HFM1: variants seen among roughly 807,000 people sequenced by gnomAD.
HFM1 encodes probable ATP-dependent DNA helicase HFM1.
HFM1 carries 169 observed loss-of-function variants against 192.1 expected under a neutral mutation model. That is an observed-to-expected ratio of 0.88 (90% confidence interval 0.78 to 1.00). The LOEUF is 1.00. Among genes scored for constraint, HFM1 ranks in the 50% least tolerant of loss-of-function variants. The pLI is 0.00. For synonymous variants in HFM1, 525 were observed against 537.8 expected, an observed-to-expected ratio of 0.98 and a Z score of 0.33; for missense variants, 1,661 against 1,668.0, an observed-to-expected ratio of 1.00 and a Z score of 0.07.
chr1:91,338,702 C>T (rs1276995425), intron 20 of HFM1, among the ~76,000 whole-genome samples: 1 of 152,116 alleles, frequency 6.6e-6, no homozygotes, highest in Non-Finnish European at 1.5e-5. Flanking sequence ...GTCACCACGG[C>T]CGTGGCCCCA....
Position 91,375,344 on chromosome 1 carries a change from A to C in HFM1, c.1685+14T>G. The C allele has an allele frequency of 6.3e-7, 1 of 1,587,980 alleles. No homozygotes were observed. Among genetic ancestry groups the C allele is most frequent in the Non-Finnish European group, 8.6e-7 (1 of 1,162,896 alleles). ...AAAGTCCTTCTACTTCCATGAAAAA[A>C]TAAAATACTATACCTCTGTTTCTGT... On this transcript the variant is annotated intron_variant, in intron 13 of 38. Transcript: ENST00000370425.
intron 30 of HFM1, among the ~76,000 whole-genome samples, chr1:91,297,853 G>C (rs1433892539): frequency 6.6e-6 from 1 of 152,176 alleles, no homozygotes; most frequent in East Asian, 1.9e-4. Flanking sequence ...AAACAGAGCA[G>C]AAAAACTGGA....
intron 32 of HFM1, 106 bp downstream of exon 32, chr1:91,276,522 C>A: frequency 2.2e-6 from 1 of 460,120 alleles, no homozygotes; most frequent in Non-Finnish European, 3.9e-6. Flanking sequence ...GTCAAGCCCA[C>A]AAGTAATTCT....
chr1:91,269,671 C>T (rs558840538), intron 34 of HFM1, among the ~76,000 whole-genome samples: 1 of 152,228 alleles, frequency 6.6e-6, no homozygotes, highest in Admixed American at 6.5e-5. Flanking sequence ...TCTAAACCTG[C>T]AATGGAAGTA....
chr1:91,312,458 A>G lies in HFM1; in HGVS notation c.3391+891T>C, dbSNP rs537648845. 2.1e-4 allele frequency among the ~76,000 whole-genome samples: 32 copies of G among 152,310 alleles called. No individual in the cohort carries two copies. In the South Asian group the frequency reaches 6.4e-3, roughly 31 times the overall value. On this transcript the variant is annotated intron_variant, in intron 30 of 38. Transcript: ENST00000370425. ...TCAAAGGAGATCATTTTGGAGCTTT[A>G]AAGTTTGACTGCTCCACTGGATTTC...
rs906983952 is a variant in HFM1, at chr1:91,297,632, C to T, written c.3391+15717G>A. Among the ~76,000 whole-genome samples the T allele has an allele frequency of 5.9e-5, 9 of 152,306 alleles. No individual in the cohort carries two copies. The East Asian group carries it at 1.7e-3, about 29-fold the overall frequency. On this transcript the variant is annotated intron_variant, in intron 30 of 38. Coordinates refer to ENST00000370425, the MANE Select transcript of HFM1 (RefSeq NM_001017975.6). The stretch of plus-strand genomic sequence containing the variant: ...ATCAGGCAGCAACATTTGCTGTTCA[C>T]CAATATCTGCTGTTCTGCAGCCTCC...
intron 18 of HFM1, among the ~76,000 whole-genome samples, chr1:91,348,446 C>T (rs1394474528): frequency 6.6e-6 from 1 of 152,048 alleles, no homozygotes; most frequent in Non-Finnish European, 1.5e-5. Context: ...TCCTTTGACA[C>T]AGGAATTTCA....
rs182823584 is a variant in HFM1, at chr1:91,368,392, T to A, written c.1685+6966A>T. Among the ~76,000 whole-genome samples the A allele has an allele frequency of 2.4e-4, 37 of 152,290 alleles. No homozygotes were observed. In the East Asian group the frequency reaches 6.2e-3, roughly 25 times the overall value. On this transcript the variant is annotated intron_variant, in intron 13 of 38. Coordinates refer to ENST00000370425, the MANE Select transcript of HFM1 (RefSeq NM_001017975.6). ...AAGGGAAACCCAACAGACTAACAGC[T>A]GATCTCTCGGCAGAAACTCTACAAA... is the stretch of plus-strand genomic sequence containing the variant.
intron 30 of HFM1, among the ~76,000 whole-genome samples, chr1:91,296,800 A>T (rs1392373507): frequency 6.6e-6 from 1 of 152,252 alleles, no homozygotes; most frequent in East Asian, 1.9e-4. Context: ...TAGAATTATA[A>T]TTTTGAGGGG....
At chr1:91,292,977 T>C (rs1418120069) in intron 30 of HFM1, among the ~76,000 whole-genome samples, 1 of 152,060 alleles carries the variant, frequency 6.6e-6, no homozygotes, top group African/African-American at 2.4e-5. Context: ...TAATAAATGG[T>C]GCTGGGAAAA....
At chr1:91,331,184 ATTATCC>A (rs1653768315) in intron 20 of HFM1, among the ~76,000 whole-genome samples, 1 of 152,246 alleles carries the variant, frequency 6.6e-6, no homozygotes, top group Non-Finnish European at 1.5e-5. Flanking sequence ...AAGAAGTCAA[ATTATCC>A]TTGTTTGCAG....
At chr1:91,371,248 G>T (rs1164896656) in intron 13 of HFM1, among the ~76,000 whole-genome samples, 1 of 151,336 alleles carries the variant, frequency 6.6e-6, no homozygotes, top group Non-Finnish European at 1.5e-5. Context: ...CTACTTTAAA[G>T]TTCACATGGA....
intron 30 of HFM1, among the ~76,000 whole-genome samples, chr1:91,291,031 C>A (rs1294983402): frequency 3.9e-5 from 6 of 152,084 alleles, no homozygotes; most frequent in African/African-American, 1.4e-4. Flanking sequence ...ATACCAGAAT[C>A]TCTGGGACAC....
chr1:91,301,230 TG>T (rs1488221849), intron 30 of HFM1, among the ~76,000 whole-genome samples: 2 of 151,284 alleles, frequency 1.3e-5, no homozygotes, highest in African/African-American at 4.9e-5. Context: ...TTACAAGGGA[TG>T]TGAAGGACCT....
intron 34 of HFM1, among the ~76,000 whole-genome samples, chr1:91,272,765 T>C (rs768496953): frequency 2.0e-5 from 3 of 151,984 alleles, no homozygotes; most frequent in African/African-American, 7.2e-5. Flanking sequence ...TTGGGCCTAA[T>C]AGCTGCCATG....
chr1:91,262,291 T>C lies in HFM1; in HGVS notation c.4188A>G (p.Lys1396=), dbSNP rs1414881310. 2 of 1,486,328 alleles carry C rather than the reference T, an allele frequency of 1.3e-6. No homozygotes were observed. Among genetic ancestry groups the C allele is most frequent in the South Asian group, 1.3e-5 (1 of 79,584 alleles). 92.1% of individuals were successfully genotyped at this position (1,486,328 alleles called of 1,614,324 possible). The change falls in exon 38 of 39, where the codon AAA becomes AAG. Residue 1396 remains lysine (K), a synonymous_variant. Transcript: ENST00000370425. ...EKNPNSSNYK[K]VDFFIRNSEC... is the part of the protein sequence containing the mutation. ...CACTGTTTCTAATAAAAAAATCCAC[T>C]TTTTTATAATTTGAAGAATTTGGGT...
intron 30 of HFM1, among the ~76,000 whole-genome samples, chr1:91,289,360 C>A (rs565498753): frequency 6.6e-6 from 1 of 151,494 alleles, no homozygotes; most frequent in African/African-American, 2.4e-5. Context: ...CAGGAAGAGA[C>A]GCTCCTCACT....
intron 30 of HFM1, among the ~76,000 whole-genome samples, chr1:91,303,269 T>C (rs1279105559): frequency 6.6e-6 from 1 of 152,228 alleles, no homozygotes; most frequent in African/African-American, 2.4e-5. Context: ...AATTGAACCA[T>C]ACAATATCTG....
chr1:91,313,348 C>T lies in HFM1; in HGVS notation c.3391+1G>A. The T allele has an allele frequency of 6.5e-7, 1 of 1,546,196 alleles. No homozygotes were observed. ...AAATAGGAATTAATACAGCTATTTA[C>T]CTTTATTAGGTCCTGCTATTGTAGA... On this transcript the variant is annotated splice_donor_variant, in intron 30 of 38. Coordinates refer to ENST00000370425, the MANE Select transcript of HFM1 (RefSeq NM_001017975.6). LOFTEE classifies it high-confidence loss of function.
Sources: gnomAD v4.1 joint callset for allele counts (sites outside exome capture counted in the v4.1 genomes callset) on GRCh38, gnomAD v4.1.1 for gene constraint, MANE v1.5 for transcripts, NCBI Gene and HGNC (gene_info 2026-07-23, HGNC 2026-07-21) for gene names.